The following TMTC1 variants were observed in gnomAD, a reference collection of about 807,000 sequenced individuals.
TMTC1 encodes the protein transmembrane O-mannosyltransferase targeting cadherins 1.
A neutral mutation model predicts 104.8 loss-of-function variants in TMTC1; 73 were observed. That is an observed-to-expected ratio of 0.70 (90% CI 0.58 to 0.85). The LOEUF is 0.85. TMTC1 is among the 40% of genes least tolerant of loss of function. The pLI, the probability that TMTC1 is intolerant of heterozygous loss-of-function variation, is 0.00. For synonymous variants in TMTC1, 434 were observed against 428.7 expected (o/e 1.01, Z -0.15); for missense variants, 1,035 against 1,096.1 (o/e 0.94, Z 0.79).
At position 29,514,623 on chromosome 12, in the gene TMTC1, A is replaced by G. The variant is rs1294871445; in HGVS notation, c.2308-19T>C. On this transcript the variant is annotated intron_variant, in intron 15 of 17. Transcript: ENST00000539277. ...CAAGTGCCTGCAGAGGTTGGAAATT[A>G]AGACAGAATAAATGCAGATTAGGTA... The G allele has an allele frequency of 1.3e-5, 20 of 1,597,860 alleles. No individual in the cohort carries two copies. The highest frequency in any genetic ancestry group is 1.7e-5 in the Non-Finnish European group (20 of 1,175,816).
At chr12:29,676,324 G>A (rs1940723769) in intron 5 of TMTC1, among the ~76,000 whole-genome samples, 1 of 152,006 alleles carries the variant, frequency 6.6e-6, no homozygotes, top group African/African-American at 2.4e-5. Flanking sequence ...AAGCTTTATT[G>A]ACTATAAGAT....
At chr12:29,647,855 A>G (rs78182797) in intron 5 of TMTC1, among the ~76,000 whole-genome samples, 1 of 152,168 alleles carries the variant, frequency 6.6e-6, no homozygotes, top group African/African-American at 2.4e-5. Flanking sequence ...AAGACAACCA[A>G]TTTGAATGTG....
chr12:29,642,873 C>T (rs550900614), intron 5 of TMTC1, among the ~76,000 whole-genome samples: 2 of 151,346 alleles, frequency 1.3e-5, no homozygotes, highest in South Asian at 2.1e-4. Context: ...TACAGTGAGC[C>T]GAGATCGCGC....
At chr12:29,709,463 A>T (rs1206799245) in intron 5 of TMTC1, among the ~76,000 whole-genome samples, 5 of 152,360 alleles carry the variant, frequency 3.3e-5, no homozygotes, top group African/African-American at 1.2e-4. Flanking sequence ...AGTGAAAAGG[A>T]AGAAAAGAAA....
chr12:29,717,071 C>T (rs1303550510), intron 5 of TMTC1, among the ~76,000 whole-genome samples: 1 of 151,886 alleles, frequency 6.6e-6, no homozygotes, highest in African/African-American at 2.4e-5. Context: ...AAAAGACGAG[C>T]TTATTGATAT....
intron 5 of TMTC1, among the ~76,000 whole-genome samples, chr12:29,670,475 G>A (rs1940462613): frequency 6.6e-6 from 1 of 152,142 alleles, no homozygotes; most frequent in African/African-American, 2.4e-5. Flanking sequence ...AGTAAGACAG[G>A]GGTGTCATAA....
intron 10 of TMTC1, among the ~76,000 whole-genome samples, chr12:29,551,787 C>CT (rs34656608): frequency 0.027 from 3,743 of 139,198 alleles, 72 homozygotes; most frequent in African/African-American, 0.045. Flanking sequence ...TTTCTTTCTT[C>CT]TTTTTTTTTT....
chr12:29,721,731 G>T (rs999210852), intron 5 of TMTC1, among the ~76,000 whole-genome samples: 1 of 151,910 alleles, frequency 6.6e-6, no homozygotes, highest in Non-Finnish European at 1.5e-5. Flanking sequence ...TGGTTTCAGA[G>T]CCCCTTTACA....
At chr12:29,751,043 A>G (rs1454112058) in intron 5 of TMTC1, among the ~76,000 whole-genome samples, 2 of 152,238 alleles carry the variant, frequency 1.3e-5, no homozygotes, top group Non-Finnish European at 2.9e-5. Flanking sequence ...TAGCTTTTTA[A>G]TGTGCCTCAG....
chr12:29,619,396 C>A (rs1000605817), intron 6 of TMTC1, among the ~76,000 whole-genome samples: 2 of 152,152 alleles, frequency 1.3e-5, no homozygotes, highest in African/African-American at 4.8e-5. Flanking sequence ...AAAGTTTCAG[C>A]TCCAGAACAA....
chr12:29,643,978 T>TATATAAATATATAATTTATATGTAA (rs1555180969), intron 5 of TMTC1, among the ~76,000 whole-genome samples: 30 of 106,120 alleles, frequency 2.8e-4, no homozygotes, highest in Non-Finnish European at 4.4e-4. Context: ...CATATAAATA[T>TATATAAATATATAATTTATATGTAA]ATATAAATAT....
At chr12:29,680,248 T>G (rs1018949706) in intron 5 of TMTC1, among the ~76,000 whole-genome samples, 1 of 152,050 alleles carries the variant, frequency 6.6e-6, no homozygotes, top group African/African-American at 2.4e-5. Context: ...AAAAGATAAT[T>G]GATTTTGACA....
chr12:29,545,023 G>A (rs1180275500), intron 10 of TMTC1, among the ~76,000 whole-genome samples: 2 of 152,158 alleles, frequency 1.3e-5, no homozygotes, highest in African/African-American at 4.8e-5. Flanking sequence ...AAGAACATGA[G>A]TGATATGCTT....
chr12:29,638,999 C>A (rs1486023686), intron 5 of TMTC1, among the ~76,000 whole-genome samples: 3 of 152,212 alleles, frequency 2.0e-5, no homozygotes, highest in African/African-American at 7.2e-5. Context: ...TCTTCCCCTG[C>A]CCATAACCTT....
chr12:29,581,221 C>T (rs1322919015), intron 8 of TMTC1, among the ~76,000 whole-genome samples: 1 of 152,180 alleles, frequency 6.6e-6, no homozygotes, highest in African/African-American at 2.4e-5. Flanking sequence ...TTTGACTGAC[C>T]TGAACATTAC....
chr12:29,517,700 C>T (rs1417535811), intron 13 of TMTC1, 129 bp from the exon 14 acceptor site: 1 of 1,075,752 alleles, frequency 9.3e-7, no homozygotes, highest in East Asian at 2.5e-5. Context: ...GTTTTTATAT[C>T]AATAACAAGG....
At chr12:29,550,686 C>G (rs953743340) in intron 10 of TMTC1, among the ~76,000 whole-genome samples, 1 of 151,912 alleles carries the variant, frequency 6.6e-6, no homozygotes, top group Non-Finnish European at 1.5e-5. Context: ...AAATGGGGGG[C>G]CCTGAAGGGA....
intron 2 of TMTC1, among the ~76,000 whole-genome samples, chr12:29,760,441 G>A (rs67625669): frequency 0.1 from 15,557 of 152,100 alleles, 842 homozygotes; most frequent in African/African-American, 0.15. Flanking sequence ...GCTAAACCTA[G>A]GGCATGAAAG....
At chr12:29,773,724 C>G (rs576384514) in intron 1 of TMTC1, among the ~76,000 whole-genome samples, 1 of 152,126 alleles carries the variant, frequency 6.6e-6, no homozygotes. Context: ...CACCAATGAT[C>G]GCTGCAGGTC....
Sources: gnomAD v4.1 joint callset for allele counts (sites outside exome capture counted in the v4.1 genomes callset) on GRCh38, gnomAD v4.1.1 for gene constraint, MANE v1.5 for transcripts, NCBI Gene and HGNC (gene_info 2026-07-23, HGNC 2026-07-21) for gene names.